Variants in KIFC3 observed in about 807,000 individuals in gnomAD.
The protein encoded by KIFC3 is kinesin family member C3, also known as kinesin-like protein KIFC3.
A neutral mutation model predicts 101.8 loss-of-function variants in KIFC3; 60 were observed. The ratio of observed to expected loss-of-function variants is 0.59; its 90% CI spans 0.48 to 0.73. The LOEUF (loss-of-function observed/expected upper bound fraction) is 0.73. Among genes scored for constraint, KIFC3 ranks in the 30% least tolerant of loss-of-function variants. The probability of loss-of-function intolerance (pLI) is 0.00; values close to 1 mark genes in which losing one functional copy is unlikely to be tolerated. For missense variants in KIFC3, 966 were observed against 1,137.1 expected, an observed-to-expected ratio of 0.85 and a Z score of 2.16; for synonymous variants, 476 against 482.7, an observed-to-expected ratio of 0.99 and a Z score of 0.18.
chr16:57,779,774 ACTGTACTCCAGC>A (rs1370437760), intron 3 of KIFC3: 9 of 152,216 alleles, frequency 5.9e-5, no homozygotes, highest in African/African-American at 2.2e-4. Flanking sequence ...AGATTGTGCC[ACTGTACTCCAGC>A]CTGGGAGACA....
At chr16:57,816,746 A>G (rs2149269721) in intron 1 of KIFC3, 1 of 456,664 alleles carries the variant, frequency 2.2e-6, no homozygotes, top group East Asian at 7.0e-5. Flanking sequence ...CGTGGAAGTC[A>G]GCCACTGCCA....
intron 1 of KIFC3, among the ~76,000 whole-genome samples, chr16:57,828,828 C>T (rs1307448522): frequency 5.9e-5 from 9 of 152,136 alleles, no homozygotes; most frequent in Admixed American, 5.9e-4. Flanking sequence ...CCCCTCACCC[C>T]CCAGCAGAAG....
chr16:57,811,708 G>A (rs1344058423), intron 1 of KIFC3, among the ~76,000 whole-genome samples: 1 of 152,098 alleles, frequency 6.6e-6, no homozygotes, highest in Non-Finnish European at 1.5e-5. Context: ...TTGAGGTCAG[G>A]AGTTCGAGAC....
intron 1 of KIFC3, among the ~76,000 whole-genome samples, chr16:57,823,685 C>G (rs1337065422): frequency 1.3e-5 from 2 of 152,026 alleles, no homozygotes; most frequent in Admixed American, 1.3e-4. Context: ...CTCCACCCCC[C>G]AGGTTCCAGC....
intron 1 of KIFC3, among the ~76,000 whole-genome samples, chr16:57,828,024 T>A (rs1826414757): frequency 2.6e-5 from 4 of 152,152 alleles, no homozygotes; most frequent in African/African-American, 2.4e-5. Flanking sequence ...GTGAAGTGCT[T>A]CCCCAAAGTC....
At chr16:57,760,479 G>C (rs2049709970) in intron 16 of KIFC3, 63 bp from the exon 17 acceptor site, 2 of 1,577,738 alleles carry the variant, frequency 1.3e-6, no homozygotes, top group Middle Eastern at 1.7e-4. Context: ...GGTCACGAGA[G>C]GGAGCTCACA....
intron 7 of KIFC3, 129 bp downstream of exon 7, chr16:57,770,398 G>T: frequency 1.2e-6 from 1 of 829,702 alleles, no homozygotes. Context: ...CCTGGGTCCC[G>T]TGGCCATCGG....
At chr16:57,818,302 G>A (rs782171511) in intron 1 of KIFC3, among the ~76,000 whole-genome samples, 1 of 152,142 alleles carries the variant, frequency 6.6e-6, no homozygotes, top group African/African-American at 2.4e-5. Context: ...GAAACAGTTG[G>A]TAAGGAAACA....
chr16:57,790,251 T>G (rs2053759678), intron 3 of KIFC3, among the ~76,000 whole-genome samples: 1 of 151,370 alleles, frequency 6.6e-6, no homozygotes, highest in African/African-American at 2.4e-5. Context: ...GGCTGATTTT[T>G]GTATTTTTTG....
rs782648999 is a variant in KIFC3, at chr16:57,775,913, G to A, written c.316-3625C>T. ...TCATCAGCCAGAGCAACTGAATCAC[G>A]GGCCTGCTGCAGGGGGCGTCACCCT... On this transcript the variant is annotated intron_variant, in intron 3 of 19. Coordinates refer to ENST00000445690, the MANE Select transcript of KIFC3 (RefSeq NM_001130100.2). 25 of 985,414 alleles carry A rather than the reference G, an allele frequency of 2.5e-5. No homozygotes were observed. The South Asian group carries it at 3.8e-4, about 15-fold the overall frequency. 61.0% of individuals were successfully genotyped at this position (985,414 alleles called of 1,614,324 possible). A position where few individuals can be genotyped will look rare whatever the true frequency, so the allele number is the denominator to read the frequency against.
At chr16:57,851,522 G>A (rs917691996) in intron 1 of KIFC3, among the ~76,000 whole-genome samples, 1 of 150,288 alleles carries the variant, frequency 6.7e-6, no homozygotes, top group Non-Finnish European at 1.5e-5. Flanking sequence ...TTTCAAGAGT[G>A]TAATTGCCTC....
intron 1 of KIFC3, among the ~76,000 whole-genome samples, chr16:57,857,890 G>A (rs1385122357): frequency 2.3e-5 from 3 of 128,138 alleles, no homozygotes; most frequent in African/African-American, 3.1e-5. Context: ...GCAGTGGCAC[G>A]ATCTCGGCTC....
chr16:57,835,036 T>C (rs2055657825), intron 1 of KIFC3, among the ~76,000 whole-genome samples: 1 of 152,230 alleles, frequency 6.6e-6, no homozygotes, highest in Non-Finnish European at 1.5e-5. Flanking sequence ...GCTGCTTTCT[T>C]GTGCTTTCCT....
In KIFC3 at chr16:57,798,111, G is replaced by A. The variant is rs781862814; in HGVS notation, c.133C>T (p.Arg45Cys). Residue 45 changes from arginine (R) to cysteine (C), a missense_variant, in exon 2 of 20, where the codon CGC becomes TGC. By Grantham distance (180) the Arg-to-Cys change is radical. Transcript: ENST00000445690. ...PAPAPASPAA[R>C]PFPHTGPGRL... Reference sequence around the variant, plus strand: ...CCCGGGCCGGTGTGTGGGAAAGGGCGGGCGGCCGGGCTGGCTGGGGCTGGG... The same window carrying A: ...CCCGGGCCGGTGTGTGGGAAAGGGCAGGCGGCCGGGCTGGCTGGGGCTGGG... 8 of 1,583,086 alleles carry A rather than the reference G, an allele frequency of 5.1e-6. No individual in the cohort carries two copies. In the East Asian group the frequency reaches 1.2e-4, roughly 23 times the overall value.
At chr16:57,823,685 C>A (rs1337065422) in intron 1 of KIFC3, among the ~76,000 whole-genome samples, 1 of 152,026 alleles carries the variant, frequency 6.6e-6, no homozygotes, top group South Asian at 2.1e-4. Context: ...CTCCACCCCC[C>A]AGGTTCCAGC....
At chr16:57,770,189 C>T (rs1192123732) in intron 7 of KIFC3, among the ~76,000 whole-genome samples, 7 of 152,244 alleles carry the variant, frequency 4.6e-5, no homozygotes, top group African/African-American at 1.2e-4. Flanking sequence ...GCCCAAGCCA[C>T]GTGCCCTCAG....
intron 3 of KIFC3, among the ~76,000 whole-genome samples, chr16:57,785,817 T>C (rs1555617504): frequency 6.6e-6 from 1 of 151,868 alleles, no homozygotes; most frequent in African/African-American, 2.4e-5. Context: ...GGCAGCGGCA[T>C]AGGTTAGCTG....
intron 2 of KIFC3, among the ~76,000 whole-genome samples, 184 bp from the exon 3 acceptor site, chr16:57,795,325 G>A (rs933253182): frequency 2.0e-5 from 3 of 152,184 alleles, no homozygotes; most frequent in African/African-American, 7.2e-5. Context: ...GGCCTGGCTC[G>A]GGGCAGTGGC....
chr16:57,769,960 C>T lies in KIFC3; in HGVS notation c.940-5G>A. The T allele has an allele frequency of 6.2e-7, 1 of 1,610,550 alleles. No homozygotes were observed. The highest frequency in any genetic ancestry group is 8.5e-7 in the Non-Finnish European group (1 of 1,179,680). On this transcript the variant is annotated splice_region_variant and splice_polypyrimidine_tract_variant and intron_variant, in intron 7 of 19. Coordinates refer to ENST00000445690, the MANE Select transcript of KIFC3 (RefSeq NM_001130100.2). The surrounding 1 kb of genome is among the most constrained non-coding windows in gnomAD (Gnocchi z 4.3). Reference sequence around the variant, plus strand: ...CTCTGACTCGTACATGGCAATCTGGCCAGACCAGGAAAAGGCTCAGTACCT... The same window carrying T: ...CTCTGACTCGTACATGGCAATCTGGTCAGACCAGGAAAAGGCTCAGTACCT...
Sources: allele counts gnomAD v4.1 joint callset (sites outside exome capture counted in the v4.1 genomes callset), GRCh38; gene constraint gnomAD v4.1.1; non-coding constraint Gnocchi (gnomAD v3.1); transcripts MANE v1.5; gene names NCBI Gene and HGNC (gene_info 2026-07-23, HGNC 2026-07-21).